Variants in AGPAT5 observed in about 807,000 individuals in gnomAD.
The protein encoded by AGPAT5 is 1-acyl-sn-glycerol-3-phosphate acyltransferase epsilon.
AGPAT5 carries 46 observed loss-of-function variants against 45.6 expected under a neutral mutation model. The observed-to-expected ratio is 1.01, with a 90% CI of 0.80 to 1.29. The LOEUF is 1.29. Among genes scored for constraint, AGPAT5 ranks in the 50% most tolerant of loss-of-function variants. The pLI is 0.00. For missense variants in AGPAT5, 673 were observed against 450.7 expected (o/e 1.49, Z -4.47); for synonymous variants, 272 against 167.0 (o/e 1.63, Z -4.85).
chr8:6,741,616 A>G lies in AGPAT5; in HGVS notation c.496-45A>G, dbSNP rs770452648. 3.6e-6 allele frequency: 5 copies of G among 1,395,902 alleles called. 1 individual carries two copies. The South Asian group carries it at 3.9e-5, about 11-fold the overall frequency. The allele number at this position is 1,395,902 out of a possible 1,614,324, so 86.5% of individuals were successfully genotyped here. A position where few individuals can be genotyped will look rare whatever the true frequency, so the allele number is the denominator to read the frequency against. ...CTTTTTTAGGTTAACAATAACAAAA[A>G]CAAAGCTCACACAAAATAAACCAAA... On this transcript the variant is annotated intron_variant, in intron 4 of 7. Transcript: ENST00000285518.
intron 6 of AGPAT5, among the ~76,000 whole-genome samples, chr8:6,749,677 GTTAC>G (rs1176490519): frequency 2.0e-5 from 3 of 152,286 alleles, no homozygotes; most frequent in Admixed American, 6.5e-5. Flanking sequence ...TATCGAAGGA[GTTAC>G]TTACCTATTT....
chr8:6,733,291 G>T (rs1044523286), intron 4 of AGPAT5, among the ~76,000 whole-genome samples: 1 of 152,148 alleles, frequency 6.6e-6, no homozygotes, highest in Non-Finnish European at 1.5e-5. Context: ...AGCTTAGCTC[G>T]TGTGCACAGG....
At chr8:6,732,437 T>C in intron 3 of AGPAT5, 124 bp from the exon 4 acceptor site, 1 of 622,116 alleles carries the variant, frequency 1.6e-6, no homozygotes, top group Non-Finnish European at 2.6e-6. Context: ...ATATTAAATA[T>C]AGATTAAATT....
chr8:6,740,428 T>G (rs11137064), intron 4 of AGPAT5, among the ~76,000 whole-genome samples: 4,208 of 150,380 alleles, frequency 0.028, 136 homozygotes, highest in African/African-American at 0.073. Flanking sequence ...CTACATTTTC[T>G]TAACAGATCT....
intron 1 of AGPAT5, chr8:6,709,523 G>A (rs1420240233): frequency 6.6e-6 from 1 of 150,956 alleles, no homozygotes; most frequent in East Asian, 1.9e-4. Flanking sequence ...AACCATAAAA[G>A]TGGAAGGCCC....
chr8:6,747,032 A>G (rs1043163921), intron 5 of AGPAT5, among the ~76,000 whole-genome samples: 9 of 152,252 alleles, frequency 5.9e-5, no homozygotes, highest in Non-Finnish European at 1.3e-4. Context: ...ATGTTCATAC[A>G]AAAGCTTGTT....
At chr8:6,742,678 A>G (rs1801279340) in intron 5 of AGPAT5, among the ~76,000 whole-genome samples, 1 of 152,228 alleles carries the variant, frequency 6.6e-6, no homozygotes, top group South Asian at 2.1e-4. Context: ...TTTTAATTTT[A>G]TTTAATTTTA....
chr8:6,714,588 C>T lies in AGPAT5; in HGVS notation c.219+5701C>T, dbSNP rs186674200. Among the ~76,000 whole-genome samples the T allele has an allele frequency of 1.8e-4, 27 of 152,308 alleles. No individual in the cohort carries two copies. The East Asian group carries it at 4.6e-3, about 26-fold the overall frequency. On this transcript the variant is annotated intron_variant, in intron 1 of 7. Coordinates refer to ENST00000285518, the MANE Select transcript of AGPAT5 (RefSeq NM_018361.5). ...GATGCAATTATACATTCAAACACTG[C>T]CACAATACTTTGAGAAAGTTAAAGT... is the stretch of plus-strand genomic sequence containing the variant.
intron 4 of AGPAT5, chr8:6,738,622 G>C (rs1377081733): frequency 1.3e-5 from 2 of 152,020 alleles, no homozygotes; most frequent in Non-Finnish European, 2.9e-5. Flanking sequence ...ACCTTCAATG[G>C]GAAAAAAATG....
In AGPAT5 at chr8:6,730,814, T is replaced by C; in HGVS notation, c.393T>C (p.Cys131=). Residue 131 remains cysteine, a synonymous_variant, in exon 3 of 8, where the codon TGT becomes TGC. Coordinates refer to ENST00000285518, the MANE Select transcript of AGPAT5 (RefSeq NM_018361.5). Reference sequence around the variant, plus strand: ...TAAAATGGCTGCCATTGTATGGGTGTTACTTTGCTCAGGTAACTTGTTTCC... The same window carrying C: ...TAAAATGGCTGCCATTGTATGGGTGCTACTTTGCTCAGGTAACTTGTTTCC... The part of the protein sequence containing the change: ...EGLKWLPLYG[C]YFAQHGGIYV... 6.2e-7 allele frequency: 1 copy of C among 1,612,106 alleles called. No homozygotes were observed. Among genetic ancestry groups the C allele is most frequent in the Non-Finnish European group, 8.5e-7 (1 of 1,178,474 alleles).
chr8:6,727,325 G>C (rs757938725), intron 2 of AGPAT5, among the ~76,000 whole-genome samples: 2 of 151,884 alleles, frequency 1.3e-5, no homozygotes, highest in Non-Finnish European at 2.9e-5. Context: ...CGAGTCAGCA[G>C]GATATAGTGG....
intron 5 of AGPAT5, among the ~76,000 whole-genome samples, chr8:6,746,759 C>T (rs1040873422): frequency 2.6e-5 from 4 of 152,170 alleles, no homozygotes; most frequent in Non-Finnish European, 5.9e-5. Flanking sequence ...CAGCTACTTT[C>T]CCTCCAGAGA....
chr8:6,733,062 A>G (rs1463161189), intron 4 of AGPAT5, among the ~76,000 whole-genome samples: 1 of 152,248 alleles, frequency 6.6e-6, no homozygotes, highest in Non-Finnish European at 1.5e-5. Flanking sequence ...ACATGTACAG[A>G]AAAACCAAAA....
chr8:6,747,764 T>A lies in AGPAT5; in HGVS notation c.681T>A (p.Asp227Glu). The A allele has an allele frequency of 6.2e-7, 1 of 1,614,200 alleles. No homozygotes were observed. Among genetic ancestry groups the A allele is most frequent in the Non-Finnish European group, 8.5e-7 (1 of 1,180,038 alleles). Residue 227 changes from aspartate (D) to glutamate (E), a missense_variant, in exon 6 of 8, where the codon GAT becomes GAA. Coordinates refer to ENST00000285518, the MANE Select transcript of AGPAT5 (RefSeq NM_018361.5). ...AGAATTATTTAGATGCAATTTATGA[T>A]GTTACGGTGGTTTATGAAGGGAAAG... ...CMKNYLDAIY[D>E]VTVVYEGKDD... is the part of the protein sequence containing the mutation.
chr8:6,747,826 C>T lies in AGPAT5; in HGVS notation c.743C>T (p.Thr248Met), dbSNP rs753411384. ...GGQRRESPTM[T>M]EFLCKECPKI... ...CAGCGAAGAGAGTCACCGACCATGA[C>T]GGGTAAGTGTGTTCACGCACCTGAA... Residue 248 changes from threonine to methionine, a missense_variant and splice_region_variant, in exon 6 of 8, where the codon ACG (threonine) becomes ATG (methionine). Coordinates refer to ENST00000285518, the MANE Select transcript of AGPAT5 (RefSeq NM_018361.5). 4.3e-6 allele frequency: 7 copies of T among 1,613,624 alleles called. No individual in the cohort carries two copies. The African/African-American group carries it at 5.3e-5, about 12-fold the overall frequency.
Position 6,730,530 on chromosome 8 carries a change from C to A in AGPAT5, c.290-181C>A, listed in dbSNP as rs1190518726. 1.4e-4 allele frequency among the ~76,000 whole-genome samples: 3 copies of A among 20,752 alleles called. 1 individual carries two copies. Among genetic ancestry groups the A allele is most frequent in the Non-Finnish European group, 2.2e-4 (3 of 13,486 alleles). The allele number at this position is 20,752 out of a possible 152,430, so 13.6% of individuals were successfully genotyped here. A position where few individuals can be genotyped will look rare whatever the true frequency, so the allele number is the denominator to read the frequency against. On this transcript the variant is annotated intron_variant, in intron 2 of 7. Transcript: ENST00000285518. ...TATTTTTAGTAGAGACGGGGTTTCA[C>A]CGTGTTAGCCAGGATGGTCTCGATC...
At chr8:6,724,783 A>G (rs1800627942) in intron 1 of AGPAT5, 87 bp from the exon 2 acceptor site, 2 of 410,280 alleles carry the variant, frequency 4.9e-6, no homozygotes, top group Admixed American at 3.7e-5. Context: ...TCACAACATC[A>G]TTCGTCAGTT....
At chr8:6,745,965 C>G (rs1801438608) in intron 5 of AGPAT5, 2 of 152,162 alleles carry the variant, frequency 1.3e-5, no homozygotes, top group East Asian at 1.9e-4. Context: ...TTCCTTCTTT[C>G]TTTCGCTCTC....
intron 5 of AGPAT5, among the ~76,000 whole-genome samples, chr8:6,746,775 G>C (rs753657894): frequency 6.6e-6 from 1 of 152,170 alleles, no homozygotes; most frequent in African/African-American, 2.4e-5. Flanking sequence ...AGAGAGGCCA[G>C]TAGAAAATCT....
Sources: gnomAD v4.1 joint callset for allele counts (sites outside exome capture counted in the v4.1 genomes callset) on GRCh38, gnomAD v4.1.1 for gene constraint, MANE v1.5 for transcripts, NCBI Gene and HGNC (gene_info 2026-07-23, HGNC 2026-07-21) for gene names.